PDE4D: variants seen among roughly 807,000 people sequenced by gnomAD.
PDE4D encodes 3',5'-cyclic-AMP phosphodiesterase 4D.
A neutral mutation model predicts 87.4 loss-of-function variants in PDE4D; 24 were observed. The observed-to-expected ratio is 0.27, with a 90% CI of 0.20 to 0.39. PDE4D has a LOEUF of 0.39. PDE4D is among the 10% of genes least tolerant of loss of function. The pLI, the probability that PDE4D is intolerant of heterozygous loss-of-function variation, is 1.00. For synonymous variants in PDE4D, 384 were observed against 383.2 expected, an observed-to-expected ratio of 1.00 and a Z score of -0.02; for missense variants, 714 against 1,041.0, an observed-to-expected ratio of 0.69 and a Z score of 4.32.
At chr5:59,699,784 C>A (rs1245769870) in intron 1 of PDE4D, among the ~76,000 whole-genome samples, 2 of 150,178 alleles carry the variant, frequency 1.3e-5, no homozygotes, top group Non-Finnish European at 1.5e-5. Flanking sequence ...TCTTTTTCAA[C>A]CTGTAGCAAA....
At chr5:60,260,317 G>C (rs558740337) in intron 1 of PDE4D, among the ~76,000 whole-genome samples, 3 of 152,018 alleles carry the variant, frequency 2.0e-5, no homozygotes, top group Non-Finnish European at 4.4e-5. Context: ...ATCATGGTTG[G>C]AGCCCAGGAT....
At chr5:59,584,107 C>T (rs722923) in intron 1 of PDE4D, among the ~76,000 whole-genome samples, 2,029 of 152,208 alleles carry the variant, frequency 0.013, 19 homozygotes, top group Non-Finnish European at 0.022. Context: ...ATTCTAAGCA[C>T]GATAATTCAC....
intron 1 of PDE4D, among the ~76,000 whole-genome samples, chr5:59,446,386 G>T (rs1242366004): frequency 6.6e-6 from 1 of 152,064 alleles, no homozygotes; most frequent in African/African-American, 2.4e-5. Context: ...TAGGATTAAA[G>T]ACATTTTTGA....
intron 1 of PDE4D, among the ~76,000 whole-genome samples, chr5:59,490,320 T>C (rs1805954588): frequency 6.6e-6 from 1 of 152,214 alleles, no homozygotes; most frequent in Admixed American, 6.5e-5. Context: ...ATAGCTTTTC[T>C]TTTCAGGTGA....
intron 1 of PDE4D, among the ~76,000 whole-genome samples, chr5:59,474,125 A>C (rs1260152439): frequency 6.6e-6 from 1 of 152,130 alleles, no homozygotes. Flanking sequence ...CAAGGGCTAG[A>C]CTGTAGATGG....
At chr5:60,324,874 A>G (rs935646295) in intron 1 of PDE4D, among the ~76,000 whole-genome samples, 4 of 152,240 alleles carry the variant, frequency 2.6e-5, no homozygotes, top group African/African-American at 4.8e-5. Context: ...AAAACAAAGT[A>G]TAGTCAACTA....
chr5:60,067,524 T>G (rs12187644), intron 2 of PDE4D, among the ~76,000 whole-genome samples: 67,679 of 151,946 alleles, frequency 0.45, 15,709 homozygotes, highest in East Asian at 0.78. Context: ...AGGAAAATTA[T>G]AATACCACTG....
intron 1 of PDE4D, among the ~76,000 whole-genome samples, chr5:60,359,579 A>T (rs929492636): frequency 6.6e-6 from 1 of 152,170 alleles, no homozygotes; most frequent in Non-Finnish European, 1.5e-5. Flanking sequence ...TTTATGTCTT[A>T]TTCTTAGAAA....
chr5:60,020,651 T>C (rs1477650586), intron 2 of PDE4D, among the ~76,000 whole-genome samples: 1 of 152,168 alleles, frequency 6.6e-6, no homozygotes, highest in Non-Finnish European at 1.5e-5. Flanking sequence ...GAAGGCTTCC[T>C]GGAATTTCCA....
intron 1 of PDE4D, among the ~76,000 whole-genome samples, chr5:59,826,588 T>C (rs944901689): frequency 6.6e-6 from 1 of 152,060 alleles, no homozygotes; most frequent in South Asian, 2.1e-4. Context: ...TGAGAACATT[T>C]TGAATAAGTA....
At chr5:60,518,047 T>C (rs1470868347) in intron 1 of PDE4D, among the ~76,000 whole-genome samples, 2 of 152,098 alleles carry the variant, frequency 1.3e-5, no homozygotes, top group Non-Finnish European at 2.9e-5. Context: ...ACCACCACAT[T>C]CCCGGGTGCC....
At chr5:59,226,682 G>C (rs1581479859) in intron 1 of PDE4D, among the ~76,000 whole-genome samples, 2 of 152,098 alleles carry the variant, frequency 1.3e-5, no homozygotes, top group Admixed American at 6.6e-5. Context: ...TTTTCAAAAA[G>C]GATCTCAAAT....
intron 1 of PDE4D, among the ~76,000 whole-genome samples, chr5:59,373,466 ACAGT>A (rs1220914400): frequency 6.6e-6 from 1 of 152,222 alleles, no homozygotes; most frequent in African/African-American, 2.4e-5. Flanking sequence ...CTAAAATAAG[ACAGT>A]CAGACAAGAA....
intron 1 of PDE4D, among the ~76,000 whole-genome samples, chr5:59,853,741 T>C (rs574237153): frequency 6.4e-4 from 98 of 152,216 alleles, no homozygotes; most frequent in Non-Finnish European, 1.0e-3. Context: ...TCACTTTTAG[T>C]GTACCAGCTT....
At chr5:60,017,520 T>A (rs1765642414) in intron 2 of PDE4D, among the ~76,000 whole-genome samples, 1 of 152,134 alleles carries the variant, frequency 6.6e-6, no homozygotes, top group Non-Finnish European at 1.5e-5. Context: ...ATTGTTCAGC[T>A]CCCACTTATA....
At chr5:59,169,065 GA>G (rs1348434809) in intron 5 of PDE4D, among the ~76,000 whole-genome samples, 1 of 148,738 alleles carries the variant, frequency 6.7e-6, no homozygotes, top group African/African-American at 2.6e-5. Context: ...AGCATTTTTT[GA>G]GAGAGGCTTT....
At chr5:60,253,764 G>T (rs1045718617) in intron 1 of PDE4D, among the ~76,000 whole-genome samples, 1 of 151,858 alleles carries the variant, frequency 6.6e-6, no homozygotes, top group African/African-American at 2.4e-5. Flanking sequence ...TCAAGAGTAT[G>T]AAATCAAAAG....
chr5:59,688,758 T>C (rs1750358920), intron 1 of PDE4D, among the ~76,000 whole-genome samples: 1 of 152,078 alleles, frequency 6.6e-6, no homozygotes, highest in East Asian at 1.9e-4. Flanking sequence ...AAAAAAACCC[T>C]TCAAAAAATC....
intron 1 of PDE4D, among the ~76,000 whole-genome samples, chr5:59,425,156 A>G (rs996596395): frequency 9.2e-5 from 14 of 152,218 alleles, no homozygotes; most frequent in South Asian, 2.1e-4. Context: ...TATTATTTTA[A>G]AAGTGTAGCA....
Sources: allele counts gnomAD v4.1 joint callset (sites outside exome capture counted in the v4.1 genomes callset), GRCh38; gene constraint gnomAD v4.1.1; transcripts MANE v1.5; gene names NCBI Gene and HGNC (gene_info 2026-07-23, HGNC 2026-07-21).